GPC4: variants seen among roughly 807,000 people sequenced by gnomAD.
The protein encoded by GPC4 is glypican 4.
Under a neutral mutation model 35.0 loss-of-function variants are expected in GPC4, and 10 were observed. That is an observed-to-expected ratio of 0.29 (90% confidence interval 0.18 to 0.48). The LOEUF (loss-of-function observed/expected upper bound fraction) is 0.48. Among genes scored for constraint, GPC4 ranks in the 20% least tolerant of loss-of-function variants. GPC4 has a pLI of 0.99. For missense variants in GPC4, 322 were observed against 451.3 expected, an observed-to-expected ratio of 0.71 and a Z score of 2.60; for synonymous variants, 167 against 170.2, an observed-to-expected ratio of 0.98 and a Z score of 0.15.
intron 2 of GPC4, among the ~76,000 whole-genome samples, chrX:133,332,238 C>A (rs769086007): frequency 9.0e-6 from 1 of 111,489 alleles, no homozygotes; most frequent in African/African-American, 3.3e-5. Flanking sequence ...TAAATATAAT[C>A]CCCACTGCTA....
At chrX:133,315,935 G>T (rs906153964) in intron 3 of GPC4, among the ~76,000 whole-genome samples, 1 of 111,247 alleles carries the variant, frequency 9.0e-6, no homozygotes, top group African/African-American at 3.3e-5. Context: ...TGATTTAATA[G>T]TTATTTATTA....
Position 133,300,834 on chromosome X carries a change from A to G in GPC4, c.*2033T>C, listed in dbSNP as rs1296466238. ...TTTGGAGACCAGATTCATTTCTACC[A>G]AGTAAAAGTAATAGCAGTCTAAGCT... On this transcript the variant is annotated 3_prime_UTR_variant, in exon 9 of 9. Coordinates refer to ENST00000370828, the MANE Select transcript of GPC4 (RefSeq NM_001448.3). 1 of 111,941 alleles carries G rather than the reference A, an allele frequency of 8.9e-6. No homozygotes were observed. The highest frequency in any genetic ancestry group is 1.9e-5 in the Non-Finnish European group (1 of 53,243). 9.2% of individuals were successfully genotyped at this position (111,941 alleles called of 1,213,427 possible).
intron 1 of GPC4, among the ~76,000 whole-genome samples, chrX:133,387,675 G>A (rs1180759352): frequency 8.9e-6 from 1 of 111,890 alleles, no homozygotes. Context: ...AACCCAATAA[G>A]TCTATCATTT....
At chrX:133,373,627 A>G (rs1439007954) in intron 1 of GPC4, among the ~76,000 whole-genome samples, 1 of 111,431 alleles carries the variant, frequency 9.0e-6, no homozygotes, top group Non-Finnish European at 1.9e-5. Context: ...CTCAGGGGCA[A>G]AGGGTAGTTG....
At chrX:133,409,299 G>A (rs1162263470) in intron 1 of GPC4, among the ~76,000 whole-genome samples, 3 of 90,837 alleles carry the variant, frequency 3.3e-5, no homozygotes, top group East Asian at 6.8e-4. Flanking sequence ...CTCCAGTCTG[G>A]GCAACAGTGA....
intron 1 of GPC4, among the ~76,000 whole-genome samples, chrX:133,413,800 G>T (rs990628325): frequency 8.9e-6 from 1 of 112,060 alleles, no homozygotes; most frequent in African/African-American, 3.2e-5. Context: ...ACCCGGAGGG[G>T]ACCCGGCCGG....
intron 1 of GPC4, among the ~76,000 whole-genome samples, chrX:133,354,255 C>T (rs911903632): frequency 1.8e-5 from 2 of 112,186 alleles, no homozygotes; most frequent in East Asian, 2.8e-4. Flanking sequence ...TTCAGATACA[C>T]GCATATTTAC....
rs1256643378 is a variant in GPC4 at position 133,303,069 on chromosome X, C to T, written c.1469G>A (p.Ser490Asn). ...ACTTCCTTCTCCACTACTTTCATCA[C>T]CTAGTTTAAAAAAAAATGGAATAGA... Reference protein sequence around the residue: ...NGNDVDFFDISDESSGEGSGS... With the variant: ...NGNDVDFFDINDESSGEGSGS... The change falls in exon 9 of 9, where the codon AGT (serine) becomes AAT (asparagine). Residue 490 changes from serine (S) to asparagine (N), a missense_variant and splice_region_variant. By Grantham distance (46) the Ser-to-Asn change is conservative. Coordinates refer to ENST00000370828, the MANE Select transcript of GPC4 (RefSeq NM_001448.3). 8.3e-7 allele frequency: 1 copy of T among 1,208,438 alleles called. No homozygotes were observed. Among genetic ancestry groups the T allele is most frequent in the African/African-American group, 1.8e-5 (1 of 57,012 alleles).
intron 1 of GPC4, among the ~76,000 whole-genome samples, chrX:133,351,542 C>G (rs757988856): frequency 9.0e-6 from 1 of 110,790 alleles, no homozygotes; most frequent in African/African-American, 3.3e-5. Flanking sequence ...CTTAAGTTTT[C>G]AATGTCCTCA....
rs1330552321 is a variant in GPC4, at chrX:133,339,162, CAT to C, written c.319+19_319+20del. On this transcript the variant is annotated intron_variant, in intron 2 of 8. Transcript: ENST00000370828. ...GTACAGACCTAACTGCCGGTTCTTA[CAT>C]ATGACTTGAATAACATACCATCAAA... The C allele has an allele frequency of 8.3e-7, 1 of 1,208,121 alleles. No homozygotes were observed. The highest frequency in any genetic ancestry group is 1.1e-6 in the Non-Finnish European group (1 of 893,018).
intron 2 of GPC4, among the ~76,000 whole-genome samples, chrX:133,336,477 G>T (rs750842139): frequency 6.0e-4 from 67 of 111,290 alleles, no homozygotes; most frequent in African/African-American, 2.1e-3. Flanking sequence ...AGAGGTTGCA[G>T]TGAGCCGAGA....
chrX:133,353,863 T>A (rs1055494584), intron 1 of GPC4, among the ~76,000 whole-genome samples: 1 of 111,354 alleles, frequency 9.0e-6, no homozygotes, highest in Non-Finnish European at 1.9e-5. Context: ...CTGTGGTAAC[T>A]CCCATCAAGC....
intron 1 of GPC4, among the ~76,000 whole-genome samples, chrX:133,342,618 C>A (rs1478437785): frequency 9.0e-6 from 1 of 111,527 alleles, no homozygotes; most frequent in African/African-American, 3.3e-5. Context: ...CTGTGACACA[C>A]GTAGTCCAAG....
intron 1 of GPC4, among the ~76,000 whole-genome samples, chrX:133,346,732 T>C (rs1480282814): frequency 9.0e-6 from 1 of 111,674 alleles, no homozygotes; most frequent in Admixed American, 9.5e-5. Context: ...TACTCAGCCA[T>C]TGGAAGGAAG....
At chrX:133,396,653 T>C (rs73239387) in intron 1 of GPC4, among the ~76,000 whole-genome samples, 5,177 of 111,691 alleles carry the variant, frequency 0.046, 126 homozygotes, top group Non-Finnish European at 0.074. Context: ...GAGTTGCCAT[T>C]AGTCTCTCGT....
intron 2 of GPC4, among the ~76,000 whole-genome samples, chrX:133,325,331 TTAA>T (rs1328477716): frequency 1.8e-5 from 2 of 110,537 alleles, no homozygotes; most frequent in African/African-American, 3.3e-5. Context: ...CATAATGGAC[TTAA>T]TAATAAATAT....
At chrX:133,333,191 G>A (rs776162247) in intron 2 of GPC4, among the ~76,000 whole-genome samples, 29 of 112,440 alleles carry the variant, frequency 2.6e-4, no homozygotes, top group Non-Finnish European at 5.1e-4. Flanking sequence ...AGAGCAGGCA[G>A]TGATGAACAA....
intron 4 of GPC4, among the ~76,000 whole-genome samples, chrX:133,306,448 C>T (rs779914083): frequency 9.0e-6 from 1 of 111,458 alleles, no homozygotes; most frequent in African/African-American, 3.3e-5. Context: ...CGTGTGTCAG[C>T]CACTGTCACT....
At chrX:133,371,600 T>A (rs775956948) in intron 1 of GPC4, among the ~76,000 whole-genome samples, 1 of 111,917 alleles carries the variant, frequency 8.9e-6, no homozygotes, top group East Asian at 2.8e-4. Context: ...CATTTCTAAA[T>A]ATAAATAAAG....
Sources: gnomAD v4.1 joint callset for allele counts (sites outside exome capture counted in the v4.1 genomes callset) on GRCh38, gnomAD v4.1.1 for gene constraint, MANE v1.5 for transcripts, NCBI Gene and HGNC (gene_info 2026-07-23, HGNC 2026-07-21) for gene names.